Variants in STOML3 observed in about 807,000 individuals in gnomAD.
The protein encoded by STOML3 is stomatin-like protein 3.
STOML3 carries 31 observed loss-of-function variants against 29.5 expected under a neutral mutation model. That is an observed-to-expected ratio of 1.05 (90% CI 0.79 to 1.42). STOML3 has a LOEUF of 1.42. Ranked by LOEUF, STOML3 falls within the 40% of genes most tolerant of loss-of-function variation. STOML3 has a pLI of 0.00. For synonymous variants in STOML3, 122 were observed against 139.8 expected (o/e 0.87, Z 0.90); for missense variants, 380 against 363.0 (o/e 1.05, Z -0.38).
At chr13:38,968,356 C>T in intron 6 of STOML3, 44 bp downstream of exon 6, 1 of 1,602,930 alleles carries the variant, frequency 6.2e-7, no homozygotes, top group South Asian at 1.1e-5. Flanking sequence ...TTGGCCCCAA[C>T]ACTAGGCAGT....
In STOML3 at chr13:38,973,923, T is replaced by A. The variant is rs571807206; in HGVS notation, c.230-1329A>T. On this transcript the variant is annotated intron_variant, in intron 3 of 6. Coordinates refer to ENST00000379631, the MANE Select transcript of STOML3 (RefSeq NM_145286.3). ...AGTCAATTTAAATAGTAATGAAGGA[T>A]TATTGAATTAAAATCTTCCCAGGGT... Among the ~76,000 whole-genome samples, 3 of 152,264 alleles carry A rather than the reference T, an allele frequency of 2.0e-5. No homozygotes were observed. The South Asian group carries it at 6.2e-4, about 32-fold the overall frequency.
At chr13:38,989,869 G>C (rs1215914203) in intron 1 of STOML3, among the ~76,000 whole-genome samples, 2 of 151,626 alleles carry the variant, frequency 1.3e-5, no homozygotes, top group Non-Finnish European at 1.5e-5. Context: ...GGCTTTTTTG[G>C]CAACATAAGG....
intron 1 of STOML3, among the ~76,000 whole-genome samples, chr13:38,987,392 C>T (rs542414811): frequency 1.6e-4 from 24 of 151,818 alleles, no homozygotes; most frequent in Non-Finnish European, 2.8e-4. Context: ...GCCATGGTGG[C>T]GCATGCCTGT....
chr13:38,980,665 T>C (rs891960680), intron 1 of STOML3, among the ~76,000 whole-genome samples: 10 of 152,300 alleles, frequency 6.6e-5, no homozygotes, highest in Admixed American at 6.5e-4. Context: ...TAAAGCCATG[T>C]CATATGCCTA....
chr13:38,969,797 C>T (rs1163268336), intron 5 of STOML3, among the ~76,000 whole-genome samples: 1 of 152,122 alleles, frequency 6.6e-6, no homozygotes, highest in African/African-American at 2.4e-5. Flanking sequence ...TTGAATTTAA[C>T]TTTCACACTT....
At position 38,967,067 on chromosome 13, in the gene STOML3, A is replaced by G. The variant is rs148064289; in HGVS notation, c.652-18T>C. On this transcript the variant is annotated intron_variant, in intron 6 of 6. Transcript: ENST00000379631. ...GCAAGGACCTGAAATGACAGAAATAAAATCGTTCAGAAATAAAAGTTTACA... is the reference window on the plus strand; with the variant it reads ...GCAAGGACCTGAAATGACAGAAATAGAATCGTTCAGAAATAAAAGTTTACA... 577 of 1,607,278 alleles carry G rather than the reference A, an allele frequency of 3.6e-4. No individual in the cohort carries two copies. The African/African-American group carries it at 7.1e-3, about 20-fold the overall frequency.
chr13:38,986,299 T>G, intron 1 of STOML3, among the ~76,000 whole-genome samples: 1 of 152,050 alleles, frequency 6.6e-6, no homozygotes, highest in East Asian at 1.9e-4. Context: ...CCTCCCAAAG[T>G]GCTGAGATTG....
chr13:38,972,105 GAT>G (rs1880890985), intron 4 of STOML3, among the ~76,000 whole-genome samples: 1 of 152,168 alleles, frequency 6.6e-6, no homozygotes, highest in Non-Finnish European at 1.5e-5. Flanking sequence ...CTGAGAAGGT[GAT>G]AGAGAGGGTG....
chr13:38,984,163 T>C (rs1419015443), intron 1 of STOML3, among the ~76,000 whole-genome samples: 1 of 152,158 alleles, frequency 6.6e-6, no homozygotes. Context: ...AGCAGGACTT[T>C]TGATGGTCTT....
intron 3 of STOML3, among the ~76,000 whole-genome samples, chr13:38,975,046 G>T (rs1244434059): frequency 6.6e-6 from 1 of 151,928 alleles, no homozygotes; most frequent in Non-Finnish European, 1.5e-5. Context: ...ACTTGAAATG[G>T]CTGCTGGGCG....
chr13:38,981,872 A>C (rs1467284268), intron 1 of STOML3, among the ~76,000 whole-genome samples: 2 of 152,198 alleles, frequency 1.3e-5, no homozygotes, highest in East Asian at 3.9e-4. Context: ...ACTAAAGCTA[A>C]ACATGTATCT....
chr13:38,974,731 C>T (rs143076106), intron 3 of STOML3, among the ~76,000 whole-genome samples: 5 of 152,202 alleles, frequency 3.3e-5, no homozygotes, highest in East Asian at 1.9e-4. Context: ...CCCAGAGACA[C>T]GTATGACGAG....
intron 1 of STOML3, among the ~76,000 whole-genome samples, chr13:38,987,358 A>G (rs985671823): frequency 2.0e-5 from 3 of 152,052 alleles, no homozygotes; most frequent in African/African-American, 7.2e-5. Context: ...CCTGATTTCT[A>G]CAAAAAAATA....
At chr13:38,979,605 C>G (rs1209458440) in intron 1 of STOML3, among the ~76,000 whole-genome samples, 3 of 152,116 alleles carry the variant, frequency 2.0e-5, no homozygotes, top group Non-Finnish European at 2.9e-5. Flanking sequence ...ATGGCATTAC[C>G]TACTCATCTA....
At chr13:38,986,319 G>A (rs1043040046) in intron 1 of STOML3, among the ~76,000 whole-genome samples, 1 of 151,960 alleles carries the variant, frequency 6.6e-6, no homozygotes, top group African/African-American at 2.4e-5. Context: ...GCAGGCATGA[G>A]CCACTATACC....
In STOML3 at chr13:38,970,330, T is replaced by G; in HGVS notation, c.371A>C (p.Tyr124Ser). The G allele has an allele frequency of 6.2e-7, 1 of 1,614,200 alleles. No individual in the cohort carries two copies. The highest frequency in any genetic ancestry group is 1.1e-5 in the South Asian group (1 of 91,088). The change falls in exon 5 of 7, where the codon TAT (tyrosine) becomes TCT (serine). Residue 124 changes from tyrosine (Y) to serine (S), a missense_variant. Tyr to Ser is a moderately radical substitution (Grantham distance 144). Coordinates refer to ENST00000379631, the MANE Select transcript of STOML3 (RefSeq NM_145286.3). ...QVDGVVYYRI[Y>S]SAVSAVANVN... Reference sequence around the variant, plus strand: ...ATTAGCCACTGCTGAGACAGCACTATAGATTCTGTAATAGACAACTCCATC... The same window carrying G: ...ATTAGCCACTGCTGAGACAGCACTAGAGATTCTGTAATAGACAACTCCATC...
At chr13:38,988,599 T>TGA in intron 1 of STOML3, among the ~76,000 whole-genome samples, 2 of 117,528 alleles carry the variant, frequency 1.7e-5, no homozygotes, top group Admixed American at 1.0e-4. Context: ...ATATAATATA[T>TGA]TATATATCAT....
intron 1 of STOML3, among the ~76,000 whole-genome samples, chr13:38,985,911 C>CTTTTTTTTTTTTTTTTTTTTTTT (rs1170409048): frequency 1.3e-3 from 107 of 85,600 alleles, no homozygotes; most frequent in South Asian, 3.6e-3. Context: ...TCTTTTCTTT[C>CTTTTTTTTTTTTTTTTTTTTTTT]TTTTTTTTTT....
intron 1 of STOML3, among the ~76,000 whole-genome samples, chr13:38,982,449 T>G (rs1881301600): frequency 6.6e-6 from 1 of 152,140 alleles, no homozygotes; most frequent in Non-Finnish European, 1.5e-5. Flanking sequence ...ACTAAATTTC[T>G]CAAGGTCTCG....
Sources: allele counts gnomAD v4.1 joint callset (sites outside exome capture counted in the v4.1 genomes callset), GRCh38; gene constraint gnomAD v4.1.1; transcripts MANE v1.5; gene names NCBI Gene and HGNC (gene_info 2026-07-23, HGNC 2026-07-21).